CFAP44: variants seen among roughly 807,000 people sequenced by gnomAD.
CFAP44 encodes cilia- and flagella-associated protein 44.
Under a neutral mutation model 216.2 loss-of-function variants are expected in CFAP44, and 134 were observed. That is an observed-to-expected ratio of 0.62 (90% CI 0.54 to 0.72). The LOEUF (loss-of-function observed/expected upper bound fraction) is 0.72. Among genes scored for constraint, CFAP44 ranks in the 30% least tolerant of loss-of-function variants. The pLI is 0.00. For synonymous variants in CFAP44, 700 were observed against 727.6 expected, an observed-to-expected ratio of 0.96 and a Z score of 0.61; for missense variants, 2,035 against 2,182.1, an observed-to-expected ratio of 0.93 and a Z score of 1.34.
At chr3:113,319,767 A>G (rs1233079829) in intron 28 of CFAP44, among the ~76,000 whole-genome samples, 1 of 152,220 alleles carries the variant, frequency 6.6e-6, no homozygotes, top group Non-Finnish European at 1.5e-5. Context: ...CAAAAGATTC[A>G]TGAAACCAAG....
chr3:113,314,242 T>A (rs1468675782), intron 28 of CFAP44, among the ~76,000 whole-genome samples: 3 of 152,072 alleles, frequency 2.0e-5, no homozygotes. Context: ...ATCAAACTTC[T>A]GAAAACTAAA....
rs1047470959 is a variant in CFAP44, at chr3:113,291,132, A to C, written c.*425T>G. 6.2e-6 allele frequency: 1 copy of C among 162,492 alleles called. No individual in the cohort carries two copies. Among genetic ancestry groups the C allele is most frequent in the Admixed American group, 5.7e-5 (1 of 17,536 alleles). 10.1% of individuals were successfully genotyped at this position (162,492 alleles called of 1,614,324 possible). ...TGCATCCTCTCAGAGAACACTTAAT[A>C]ACATCTAAGTTTATTTTCTAAGGAT... On this transcript the variant is annotated 3_prime_UTR_variant, in exon 35 of 35. Transcript: ENST00000393845.
rs755011203 is a variant in CFAP44 at position 113,327,604 on chromosome 3, G to A, written c.4320+12C>T. 109 of 1,531,132 alleles carry A rather than the reference G, an allele frequency of 7.1e-5. No individual in the cohort carries two copies. In the East Asian group the frequency reaches 2.2e-3, roughly 31 times the overall value. 94.8% of individuals were successfully genotyped at this position (1,531,132 alleles called of 1,614,324 possible). The stretch of plus-strand genomic sequence containing the variant: ...GGGACCAGCCAGCTAGGATTCTTCT[G>A]CCCACTCATACTTGCATGTACTGTT... On this transcript the variant is annotated intron_variant, in intron 27 of 34. Coordinates refer to ENST00000393845, the MANE Select transcript of CFAP44 (RefSeq NM_001164496.2).
chr3:113,428,249 G>A (rs913650988), intron 2 of CFAP44, among the ~76,000 whole-genome samples: 1 of 152,228 alleles, frequency 6.6e-6, no homozygotes, highest in African/African-American at 2.4e-5. Flanking sequence ...GGCACTACAA[G>A]TGTAACACTC....
intron 15 of CFAP44, among the ~76,000 whole-genome samples, chr3:113,389,168 C>G (rs1011246690): frequency 6.6e-6 from 1 of 152,122 alleles, no homozygotes; most frequent in Admixed American, 6.6e-5. Context: ...GAAATTATAT[C>G]AAGTATCTTC....
chr3:113,297,813 T>C (rs563761384), intron 32 of CFAP44, among the ~76,000 whole-genome samples: 6 of 152,350 alleles, frequency 3.9e-5, no homozygotes, highest in African/African-American at 1.2e-4. Context: ...TAAGAGAAGT[T>C]TGAAGGCCTT....
chr3:113,359,024 TA>T (rs1950515118), intron 21 of CFAP44, 149 bp from the exon 22 acceptor site: 3 of 906,496 alleles, frequency 3.3e-6, no homozygotes, highest in African/African-American at 1.7e-5. Flanking sequence ...CAGCTTATTT[TA>T]ACTTTACTTC....
At chr3:113,440,687 G>A (rs1305630140) in intron 1 of CFAP44, among the ~76,000 whole-genome samples, 1 of 152,050 alleles carries the variant, frequency 6.6e-6, no homozygotes, top group East Asian at 1.9e-4. Context: ...AGCTTTTAAT[G>A]TGTCACTCTT....
chr3:113,355,538 TA>T (rs1382490444), intron 22 of CFAP44, among the ~76,000 whole-genome samples: 8 of 151,996 alleles, frequency 5.3e-5, no homozygotes, highest in African/African-American at 1.9e-4. Flanking sequence ...TATGCAGCCA[TA>T]AAAAAGGATG....
intron 28 of CFAP44, among the ~76,000 whole-genome samples, chr3:113,321,278 T>C (rs1398624261): frequency 2.0e-5 from 3 of 152,178 alleles, no homozygotes; most frequent in African/African-American, 7.2e-5. Context: ...AACCATGTGA[T>C]CATCGTAATA....
At chr3:113,320,020 A>C (rs1950127361) in intron 28 of CFAP44, among the ~76,000 whole-genome samples, 1 of 152,158 alleles carries the variant, frequency 6.6e-6, no homozygotes, top group African/African-American at 2.4e-5. Flanking sequence ...GAAATACATA[A>C]TCTCCCAAGA....
intron 33 of CFAP44, 46 bp from the exon 34 acceptor site, chr3:113,294,867 G>A: frequency 6.8e-7 from 1 of 1,472,990 alleles, no homozygotes; most frequent in Admixed American, 2.6e-5. Context: ...AATACGAGAA[G>A]AAAGAAAGAA....
intron 15 of CFAP44, among the ~76,000 whole-genome samples, chr3:113,392,685 C>T (rs1316478781): frequency 6.6e-6 from 1 of 151,892 alleles, no homozygotes; most frequent in Non-Finnish European, 1.5e-5. Flanking sequence ...ATACATATAT[C>T]TACCATGTAT....
chr3:113,415,831 T>A (rs1934630434), intron 6 of CFAP44, among the ~76,000 whole-genome samples: 1 of 152,184 alleles, frequency 6.6e-6, no homozygotes, highest in African/African-American at 2.4e-5. Context: ...AGAATGTATA[T>A]TCTGTAGATT....
intron 29 of CFAP44, among the ~76,000 whole-genome samples, chr3:113,307,103 T>C (rs1306758021): frequency 6.6e-6 from 1 of 152,192 alleles, no homozygotes; most frequent in Non-Finnish European, 1.5e-5. Context: ...CTGCAAGAAA[T>C]TGGTCTGGCT....
chr3:113,328,582 A>T (rs999211160), intron 26 of CFAP44, among the ~76,000 whole-genome samples: 1 of 151,478 alleles, frequency 6.6e-6, no homozygotes, highest in Non-Finnish European at 1.5e-5. Flanking sequence ...TGTACATGAT[A>T]GGTGGCCTCA....
intron 1 of CFAP44, among the ~76,000 whole-genome samples, chr3:113,440,785 G>A (rs922373608): frequency 6.6e-6 from 1 of 152,144 alleles, no homozygotes; most frequent in African/African-American, 2.4e-5. Flanking sequence ...CAGAGGGTCT[G>A]TAGCTTATTG....
chr3:113,392,371 C>T (rs536513356), intron 15 of CFAP44, among the ~76,000 whole-genome samples: 4 of 138,662 alleles, frequency 2.9e-5, no homozygotes, highest in African/African-American at 5.5e-5. Context: ...ATAGAGATGG[C>T]GAGTAGAATG....
At chr3:113,440,781 G>A (rs558652450) in intron 1 of CFAP44, among the ~76,000 whole-genome samples, 1 of 152,238 alleles carries the variant, frequency 6.6e-6, no homozygotes, top group South Asian at 2.1e-4. Context: ...TTGTCAGAGG[G>A]TCTGTAGCTT....
Sources: allele counts gnomAD v4.1 joint callset (sites outside exome capture counted in the v4.1 genomes callset), GRCh38; gene constraint gnomAD v4.1.1; transcripts MANE v1.5; gene names NCBI Gene and HGNC (gene_info 2026-07-23, HGNC 2026-07-21).